FBXO36: variants seen among roughly 807,000 people sequenced by gnomAD.
FBXO36 encodes the protein F-box only protein 36.
A neutral mutation model predicts 17.0 loss-of-function variants in FBXO36; 18 were observed. That is an observed-to-expected ratio of 1.06 (90% CI 0.73 to 1.57). The LOEUF is 1.57. Among genes scored for constraint, FBXO36 ranks in the 40% most tolerant of loss-of-function variants. The pLI, the probability that FBXO36 is intolerant of heterozygous loss-of-function variation, is 0.00. For synonymous variants in FBXO36, 83 were observed against 85.3 expected, an observed-to-expected ratio of 0.97 and a Z score of 0.15; for missense variants, 229 against 221.9, an observed-to-expected ratio of 1.03 and a Z score of -0.20.
chr2:229,971,387 A>G (rs1018183282), intron 1 of FBXO36, among the ~76,000 whole-genome samples: 2 of 151,886 alleles, frequency 1.3e-5, no homozygotes, highest in Non-Finnish European at 2.9e-5. Flanking sequence ...ACAAACAAAA[A>G]ACAAGTGATA....
chr2:229,977,743 C>T (rs1049209802), intron 2 of FBXO36, among the ~76,000 whole-genome samples: 1 of 152,184 alleles, frequency 6.6e-6, no homozygotes, highest in African/African-American at 2.4e-5. Flanking sequence ...AGCCACTGCA[C>T]CCGGCCAGAA....
chr2:229,995,900 AT>A (rs1212028671), intron 2 of FBXO36, among the ~76,000 whole-genome samples: 148 of 142,774 alleles, frequency 1.0e-3, no homozygotes, highest in Admixed American at 1.8e-3. Context: ...CCCTGTTCCT[AT>A]TTTTTTTTTT....
At chr2:230,003,451 G>C (rs561973363) in intron 3 of FBXO36, among the ~76,000 whole-genome samples, 5 of 151,660 alleles carry the variant, frequency 3.3e-5, no homozygotes, top group Non-Finnish European at 7.4e-5. Context: ...TTTTCCCCTC[G>C]GTCCATGCCT....
intron 2 of FBXO36, among the ~76,000 whole-genome samples, chr2:229,981,796 A>G (rs1013322180): frequency 1.3e-5 from 2 of 152,040 alleles, no homozygotes; most frequent in African/African-American, 4.8e-5. Context: ...CTGTTCTCAC[A>G]TTGCTATAAG....
chr2:229,989,727 A>ATT (rs11313146), intron 2 of FBXO36, among the ~76,000 whole-genome samples: 1 of 120,878 alleles, frequency 8.3e-6, no homozygotes, highest in African/African-American at 3.1e-5. Flanking sequence ...CGCCTGGCTA[A>ATT]TTTTTTTTTT....
At chr2:229,966,209 C>T (rs2077151935) in intron 1 of FBXO36, among the ~76,000 whole-genome samples, 1 of 152,148 alleles carries the variant, frequency 6.6e-6, no homozygotes, top group Non-Finnish European at 1.5e-5. Flanking sequence ...ATCCTTCGCC[C>T]ACTTGTTAAT....
At chr2:229,995,835 G>A (rs539277386) in intron 2 of FBXO36, among the ~76,000 whole-genome samples, 27 of 151,528 alleles carry the variant, frequency 1.8e-4, no homozygotes, top group Middle Eastern at 7.0e-3. Flanking sequence ...CAGGTGATCC[G>A]CCTGCCTTGG....
In FBXO36 at chr2:229,962,772, G is replaced by T. The variant is rs2077130270; in HGVS notation, c.97-13469G>T. On this transcript the variant is annotated intron_variant, in intron 1 of 3. Transcript: ENST00000283946. ...GGCTCACTTCAACCTCCGCCTCCTG[G>T]GTTCAAGCGATTCTCCTGCCTCAGA... Among the ~76,000 whole-genome samples, 4 of 151,636 alleles carry T rather than the reference G, an allele frequency of 2.6e-5. No homozygotes were observed. The South Asian group carries it at 8.3e-4, about 31-fold the overall frequency.
At chr2:230,005,946 A>G (rs1240478114) in intron 3 of FBXO36, among the ~76,000 whole-genome samples, 1 of 151,890 alleles carries the variant, frequency 6.6e-6, no homozygotes, top group African/African-American at 2.4e-5. Context: ...GAGATTACAG[A>G]TGTGAGCCAC....
At chr2:229,955,041 G>A (rs1047016348) in intron 1 of FBXO36, among the ~76,000 whole-genome samples, 1 of 151,860 alleles carries the variant, frequency 6.6e-6, no homozygotes, top group Non-Finnish European at 1.5e-5. Context: ...TAGTAGAGAC[G>A]GGGTTTCACC....
At chr2:229,996,993 C>T in intron 3 of FBXO36, 70 bp downstream of exon 3, 1 of 1,453,168 alleles carries the variant, frequency 6.9e-7, no homozygotes, top group East Asian at 2.3e-5. Flanking sequence ...TTTAACATAG[C>T]AATCATTTGT....
intron 1 of FBXO36, among the ~76,000 whole-genome samples, chr2:229,964,209 A>G (rs918035215): frequency 6.6e-6 from 1 of 151,992 alleles, no homozygotes; most frequent in Non-Finnish European, 1.5e-5. Context: ...TTCAAATCAC[A>G]TTTGAGATAT....
At chr2:230,001,912 G>C (rs1237405404) in intron 3 of FBXO36, among the ~76,000 whole-genome samples, 2 of 152,170 alleles carry the variant, frequency 1.3e-5, no homozygotes, top group Non-Finnish European at 2.9e-5. Context: ...CCGCCTCCCA[G>C]GTTCAAGCGA....
intron 1 of FBXO36, among the ~76,000 whole-genome samples, chr2:229,957,461 C>T (rs537872685): frequency 2.0e-5 from 3 of 152,234 alleles, no homozygotes; most frequent in African/African-American, 7.2e-5. Flanking sequence ...CCTGTAATCC[C>T]AGCTACTCAG....
intron 2 of FBXO36, among the ~76,000 whole-genome samples, chr2:229,988,228 C>T (rs1560451466): frequency 6.6e-6 from 1 of 151,988 alleles, no homozygotes; most frequent in African/African-American, 2.4e-5. Context: ...TTTAGATAAC[C>T]ATCTCAAAAG....
chr2:229,930,165 T>C (rs892443278), intron 1 of FBXO36, among the ~76,000 whole-genome samples: 1 of 152,030 alleles, frequency 6.6e-6, no homozygotes, highest in Non-Finnish European at 1.5e-5. Context: ...CTGGCCAACA[T>C]AGCAAGACCC....
intron 1 of FBXO36, among the ~76,000 whole-genome samples, chr2:229,951,313 G>A (rs1577337051): frequency 6.7e-6 from 1 of 149,686 alleles, no homozygotes; most frequent in Admixed American, 6.8e-5. Context: ...GCGTGATCTC[G>A]GCTCACTACA....
At chr2:229,999,642 T>C (rs565893359) in intron 3 of FBXO36, among the ~76,000 whole-genome samples, 8 of 151,802 alleles carry the variant, frequency 5.3e-5, no homozygotes, top group African/African-American at 1.4e-4. Flanking sequence ...CCTCCCAAAG[T>C]GCTGAGATTA....
At chr2:229,960,295 G>A (rs188856593) in intron 1 of FBXO36, among the ~76,000 whole-genome samples, 75 of 151,286 alleles carry the variant, frequency 5.0e-4, no homozygotes, top group Non-Finnish European at 8.6e-4. Flanking sequence ...CTTCTACCTC[G>A]GCCTCCTGAG....
Sources: gnomAD v4.1 joint callset for allele counts (sites outside exome capture counted in the v4.1 genomes callset) on GRCh38, gnomAD v4.1.1 for gene constraint, MANE v1.5 for transcripts, NCBI Gene and HGNC (gene_info 2026-07-23, HGNC 2026-07-21) for gene names.